The following PPM1H variants were observed in gnomAD, a reference collection of about 807,000 sequenced individuals.
The protein encoded by PPM1H is protein phosphatase, Mg2+/Mn2+ dependent 1H.
A neutral mutation model predicts 54.9 loss-of-function variants in PPM1H; 27 were observed. The observed-to-expected ratio is 0.49, with a 90% CI of 0.36 to 0.68. PPM1H has a LOEUF of 0.68. Among genes scored for constraint, PPM1H ranks in the 30% least tolerant of loss-of-function variants. PPM1H has a pLI of 0.00. For synonymous variants in PPM1H, 305 were observed against 270.8 expected, an observed-to-expected ratio of 1.13 and a Z score of -1.24; for missense variants, 596 against 667.8, an observed-to-expected ratio of 0.89 and a Z score of 1.19.
At chr12:62,820,157 A>T (rs959006173) in intron 2 of PPM1H, among the ~76,000 whole-genome samples, 3 of 152,242 alleles carry the variant, frequency 2.0e-5, no homozygotes, top group African/African-American at 7.2e-5. Context: ...CTGCTAGCGC[A>T]GCAGTCTGAG....
intron 1 of PPM1H, among the ~76,000 whole-genome samples, chr12:62,837,331 A>C (rs1232677509): frequency 1.3e-5 from 2 of 152,252 alleles, no homozygotes; most frequent in African/African-American, 2.4e-5. Flanking sequence ...GTATTCTCAC[A>C]TAGTGGTCCT....
intron 1 of PPM1H, among the ~76,000 whole-genome samples, chr12:62,905,201 G>A (rs1871269616): frequency 6.6e-6 from 1 of 152,198 alleles, no homozygotes; most frequent in African/African-American, 2.4e-5. Flanking sequence ...TGAGCATCAT[G>A]TAAGTAATTG....
At chr12:62,817,151 C>CCA (rs1565797674) in intron 2 of PPM1H, among the ~76,000 whole-genome samples, 1 of 58,922 alleles carries the variant, frequency 1.7e-5, no homozygotes, top group Non-Finnish European at 3.4e-5. Context: ...AAAAAAAAAA[C>CCA]TAAAAAAAAG....
At chr12:62,775,984 C>A (rs1220122816) in intron 4 of PPM1H, among the ~76,000 whole-genome samples, 3 of 152,110 alleles carry the variant, frequency 2.0e-5, no homozygotes, top group Non-Finnish European at 2.9e-5. Context: ...GAAGGAGGTA[C>A]AAAGGCACGT....
intron 1 of PPM1H, among the ~76,000 whole-genome samples, chr12:62,898,255 T>A (rs181197820): frequency 1.5e-4 from 23 of 152,340 alleles, no homozygotes; most frequent in Admixed American, 1.1e-3. Flanking sequence ...TGTTTTTTCT[T>A]TTAAAATGAT....
intron 1 of PPM1H, among the ~76,000 whole-genome samples, chr12:62,917,084 A>T (rs567836912): frequency 6.6e-6 from 1 of 152,240 alleles, no homozygotes; most frequent in Non-Finnish European, 1.5e-5. Flanking sequence ...ACTTATGTGA[A>T]TTTTCAAAAC....
At chr12:62,810,833 A>C (rs867562110) in intron 2 of PPM1H, among the ~76,000 whole-genome samples, 2 of 152,234 alleles carry the variant, frequency 1.3e-5, no homozygotes, top group African/African-American at 4.8e-5. Context: ...TATTTGAAGA[A>C]GATGATAAAG....
intron 2 of PPM1H, among the ~76,000 whole-genome samples, chr12:62,829,752 A>G (rs1868330341): frequency 6.6e-6 from 1 of 152,212 alleles, no homozygotes; most frequent in Non-Finnish European, 1.5e-5. Context: ...CACTGTTCTT[A>G]AGGACAAGAA....
chr12:62,672,618 G>A (rs2075962914), intron 8 of PPM1H, among the ~76,000 whole-genome samples: 1 of 152,186 alleles, frequency 6.6e-6, no homozygotes, highest in African/African-American at 2.4e-5. Flanking sequence ...TTGAAAAACT[G>A]TAACAGACGA....
At chr12:62,746,232 T>G (rs903153263) in intron 4 of PPM1H, among the ~76,000 whole-genome samples, 1 of 151,862 alleles carries the variant, frequency 6.6e-6, no homozygotes, top group Non-Finnish European at 1.5e-5. Flanking sequence ...TGTGAACAGG[T>G]GTGATCTTCC....
chr12:62,745,189 T>A (rs11615875), intron 4 of PPM1H, among the ~76,000 whole-genome samples: 70,520 of 151,924 alleles, frequency 0.46, 16,829 homozygotes, highest in East Asian at 0.6. Context: ...AGTTAATTTT[T>A]CTTTTTAAAA....
intron 1 of PPM1H, among the ~76,000 whole-genome samples, chr12:62,837,885 A>G (rs565062946): frequency 1.3e-5 from 2 of 152,316 alleles, no homozygotes; most frequent in South Asian, 4.1e-4. Context: ...TCCCTCAGGA[A>G]CACATGGCCA....
chr12:62,853,526 T>C (rs539414033), intron 1 of PPM1H, among the ~76,000 whole-genome samples: 3 of 152,248 alleles, frequency 2.0e-5, no homozygotes, highest in Admixed American at 1.3e-4. Context: ...AATGCACATA[T>C]ACTAACCACA....
chr12:62,647,032 G>C lies in PPM1H; in HGVS notation c.*1457C>G, dbSNP rs76849572. On this transcript the variant is annotated 3_prime_UTR_variant, in exon 10 of 10. Coordinates refer to ENST00000228705, the MANE Select transcript of PPM1H (RefSeq NM_020700.2). Reference sequence around the variant, plus strand: ...TTGTCAAAATGGTGGCAATACCTCAGTAGCTCAGCAGGAAGAAGACTAGGT... The same window carrying C: ...TTGTCAAAATGGTGGCAATACCTCACTAGCTCAGCAGGAAGAAGACTAGGT... 1.4e-4 allele frequency: 22 copies of C among 152,328 alleles called. No homozygotes were observed. The highest frequency in any genetic ancestry group is 5.3e-4 in the African/African-American group (22 of 41,568). The allele number at this position is 152,328 out of a possible 1,614,324, so 9.4% of individuals were successfully genotyped here.
chr12:62,873,695 A>C (rs1412357597), intron 1 of PPM1H, among the ~76,000 whole-genome samples: 1 of 152,222 alleles, frequency 6.6e-6, no homozygotes, highest in Non-Finnish European at 1.5e-5. Context: ...TTCATTCAGC[A>C]AATATTTAAT....
intron 8 of PPM1H, among the ~76,000 whole-genome samples, chr12:62,687,910 G>A (rs2076062428): frequency 6.6e-6 from 1 of 151,154 alleles, no homozygotes; most frequent in African/African-American, 2.4e-5. Context: ...TTGGGAGGCT[G>A]AGGCAGGAGC....
intron 4 of PPM1H, among the ~76,000 whole-genome samples, chr12:62,774,767 A>G (rs1324352939): frequency 1.3e-5 from 2 of 152,198 alleles, no homozygotes; most frequent in Non-Finnish European, 2.9e-5. Flanking sequence ...CTGTTCATGG[A>G]TAAAGAGTAG....
At chr12:62,838,185 A>G (rs1265163158) in intron 1 of PPM1H, among the ~76,000 whole-genome samples, 4 of 152,192 alleles carry the variant, frequency 2.6e-5, no homozygotes, top group Non-Finnish European at 5.9e-5. Context: ...AAGCCTTGAC[A>G]GTTCAGGCTA....
At chr12:62,924,555 G>C (rs532111424) in intron 1 of PPM1H, among the ~76,000 whole-genome samples, 1 of 152,152 alleles carries the variant, frequency 6.6e-6, no homozygotes, top group Non-Finnish European at 1.5e-5. Flanking sequence ...TACTACATTC[G>C]AGACTATCAT....
Sources: gnomAD v4.1 joint callset for allele counts (sites outside exome capture counted in the v4.1 genomes callset) on GRCh38, gnomAD v4.1.1 for gene constraint, MANE v1.5 for transcripts, NCBI Gene and HGNC (gene_info 2026-07-23, HGNC 2026-07-21) for gene names.